AUTS2: variants seen among roughly 807,000 people sequenced by gnomAD.
The protein encoded by AUTS2 is activator of transcription and developmental regulator AUTS2.
AUTS2 carries 17 observed loss-of-function variants against 112.4 expected under a neutral mutation model. That is an observed-to-expected ratio of 0.15 (90% CI 0.10 to 0.23). The LOEUF is 0.23. Among genes scored for constraint, AUTS2 ranks in the 10% least tolerant of loss-of-function variants. The pLI is 1.00. For missense variants in AUTS2, 1,510 were observed against 1,701.6 expected (o/e 0.89, Z 1.98); for synonymous variants, 751 against 702.7 (o/e 1.07, Z -1.09).
chr7:70,097,708 A>G (rs1021502698), intron 2 of AUTS2, among the ~76,000 whole-genome samples: 1 of 152,204 alleles, frequency 6.6e-6, no homozygotes, highest in African/African-American at 2.4e-5. Flanking sequence ...CTTGTCTTTA[A>G]TTGTGATTCA....
intron 1 of AUTS2, among the ~76,000 whole-genome samples, chr7:69,803,593 A>C (rs944803737): frequency 6.6e-6 from 1 of 152,222 alleles, no homozygotes; most frequent in Non-Finnish European, 1.5e-5. Flanking sequence ...TTGGAGTCAA[A>C]AAACAAATCC....
chr7:70,418,077 G>GTA (rs1795060545), intron 4 of AUTS2, among the ~76,000 whole-genome samples: 1 of 122,312 alleles, frequency 8.2e-6, no homozygotes, highest in Non-Finnish European at 1.8e-5. Flanking sequence ...CTAACTTTCT[G>GTA]TGTGTGTGTG....
intron 5 of AUTS2, among the ~76,000 whole-genome samples, chr7:70,551,686 G>A (rs1801020792): frequency 6.6e-6 from 1 of 152,116 alleles, no homozygotes; most frequent in South Asian, 2.1e-4. Flanking sequence ...TACAAATTAA[G>A]GAAATCTAAA....
At chr7:70,021,366 G>T (rs1800266275) in intron 2 of AUTS2, among the ~76,000 whole-genome samples, 1 of 152,156 alleles carries the variant, frequency 6.6e-6, no homozygotes, top group Non-Finnish European at 1.5e-5. Context: ...GAATTAGTCT[G>T]CCGGTAATCC....
intron 1 of AUTS2, among the ~76,000 whole-genome samples, chr7:69,892,824 T>G (rs955548072): frequency 2.0e-5 from 3 of 152,266 alleles, no homozygotes; most frequent in Non-Finnish European, 4.4e-5. Flanking sequence ...TGATTACCTA[T>G]TCTATCACCA....
chr7:69,693,467 C>CA (rs1456173695), intron 1 of AUTS2, among the ~76,000 whole-genome samples: 1 of 152,132 alleles, frequency 6.6e-6, no homozygotes, highest in Non-Finnish European at 1.5e-5. Flanking sequence ...TAGAAAACTA[C>CA]AAAAAAGACT....
chr7:69,798,045 T>TG (rs1789924619), intron 1 of AUTS2, among the ~76,000 whole-genome samples: 1 of 151,992 alleles, frequency 6.6e-6, no homozygotes, highest in Admixed American at 6.6e-5. Flanking sequence ...CCATGAAATG[T>TG]GGGGGTCCTG....
chr7:69,981,535 T>C (rs1352520218), intron 2 of AUTS2, among the ~76,000 whole-genome samples: 1 of 152,200 alleles, frequency 6.6e-6, no homozygotes, highest in Admixed American at 6.5e-5. Flanking sequence ...CACTGTTATC[T>C]CTAGAGTGAA....
At chr7:70,100,839 G>A (rs1804448598) in intron 2 of AUTS2, among the ~76,000 whole-genome samples, 1 of 152,094 alleles carries the variant, frequency 6.6e-6, no homozygotes, top group Non-Finnish European at 1.5e-5. Flanking sequence ...TGAAGGATAG[G>A]TAATCACAGT....
At chr7:70,692,128 A>G (rs1358864046) in intron 5 of AUTS2, among the ~76,000 whole-genome samples, 1 of 152,136 alleles carries the variant, frequency 6.6e-6, no homozygotes, top group Non-Finnish European at 1.5e-5. Context: ...TCGGCCTCCC[A>G]AAGTGCTGGG....
chr7:69,602,034 A>ATGTG (rs1792447341), intron 1 of AUTS2, among the ~76,000 whole-genome samples: 1 of 131,200 alleles, frequency 7.6e-6, no homozygotes, highest in Non-Finnish European at 1.6e-5. Context: ...ATATATATAT[A>ATGTG]TATATATGTG....
chr7:69,846,003 C>T (rs938869217), intron 1 of AUTS2, among the ~76,000 whole-genome samples: 22 of 152,152 alleles, frequency 1.4e-4, no homozygotes, highest in Non-Finnish European at 1.5e-5. Flanking sequence ...CACTGCTCCC[C>T]TGTTGCTTTA....
chr7:69,876,171 C>A (rs952228824), intron 1 of AUTS2, among the ~76,000 whole-genome samples: 2 of 149,844 alleles, frequency 1.3e-5, no homozygotes, highest in Non-Finnish European at 3.0e-5. Flanking sequence ...TCGAGACCAT[C>A]CTAACGAACA....
chr7:70,628,745 C>T (rs1585403044), intron 5 of AUTS2, among the ~76,000 whole-genome samples: 1 of 152,104 alleles, frequency 6.6e-6, no homozygotes, highest in East Asian at 1.9e-4. Context: ...AGGAGATGAT[C>T]AGGGCCAGAA....
chr7:70,347,088 A>C (rs895629822), intron 4 of AUTS2, among the ~76,000 whole-genome samples: 1 of 151,966 alleles, frequency 6.6e-6, no homozygotes, highest in African/African-American at 2.4e-5. Context: ...AGTACTGGTA[A>C]CTTCTCACAG....
At chr7:69,978,894 A>ACACACACACACG (rs1554418145) in intron 2 of AUTS2, among the ~76,000 whole-genome samples, 7 of 137,094 alleles carry the variant, frequency 5.1e-5, no homozygotes, top group South Asian at 2.3e-4. Flanking sequence ...ACACACACAC[A>ACACACACACACG]CACACACGCA....
At chr7:69,823,635 G>C (rs561266406) in intron 1 of AUTS2, among the ~76,000 whole-genome samples, 1 of 152,070 alleles carries the variant, frequency 6.6e-6, no homozygotes, top group Non-Finnish European at 1.5e-5. Context: ...GTTGTGCCGG[G>C]CCTGCTAATC....
intron 1 of AUTS2, among the ~76,000 whole-genome samples, chr7:69,894,252 GTTTTTTT>G (rs370966756): frequency 2.7e-5 from 1 of 36,740 alleles, no homozygotes; most frequent in Non-Finnish European, 4.6e-5. Context: ...GCCTTAAAGC[GTTTTTTT>G]TTTTTTTTTT....
In AUTS2 at chr7:70,190,653, T is replaced by C. The variant is rs1279975651; in HGVS notation, c.660+56082T>C. Among the ~76,000 whole-genome samples, 3 of 152,208 alleles carry C rather than the reference T, an allele frequency of 2.0e-5. No individual in the cohort carries two copies. The East Asian group carries it at 5.8e-4, about 29-fold the overall frequency. Reference sequence around the variant, plus strand: ...TCTTTGGAGTTGATTACTATAGAAATGGGCATCTGGTGGAGCCTCAGGTTG... The same window carrying C: ...TCTTTGGAGTTGATTACTATAGAAACGGGCATCTGGTGGAGCCTCAGGTTG... On this transcript the variant is annotated intron_variant, in intron 4 of 18. Transcript: ENST00000342771.
Sources: allele counts gnomAD v4.1 joint callset (sites outside exome capture counted in the v4.1 genomes callset), GRCh38; gene constraint gnomAD v4.1.1; transcripts MANE v1.5; gene names NCBI Gene and HGNC (gene_info 2026-07-23, HGNC 2026-07-21).